The following BLTP1 variants were observed in gnomAD, a reference collection of about 807,000 sequenced individuals.
BLTP1 encodes fragile site-associated protein.
chr4:122,206,158 A>G, the BLTP1 span: 2 of 747,184 alleles, frequency 2.7e-6, no homozygotes, highest in South Asian at 1.2e-4. Flanking sequence ...AAGAAAGTCA[A>G]GTCTATGTTT....
the BLTP1 span, among the ~76,000 whole-genome samples, chr4:122,342,906 T>G: frequency 6.6e-6 from 1 of 152,226 alleles, no homozygotes; most frequent in African/African-American, 2.4e-5. Flanking sequence ...TTTTTGGAAT[T>G]TACCTGTCCA....
At chr4:122,308,653 T>C in the BLTP1 span, among the ~76,000 whole-genome samples, 1 of 152,072 alleles carries the variant, frequency 6.6e-6, no homozygotes, top group Non-Finnish European at 1.5e-5. Context: ...ATTTTCTCTT[T>C]GCAACTTAAG....
the BLTP1 span, chr4:122,281,219 C>T: frequency 1.8e-5 from 12 of 668,658 alleles, no homozygotes; most frequent in Non-Finnish European, 2.0e-5. Flanking sequence ...TCAGTAGTAG[C>T]GTGTAATAGT....
chr4:122,242,200 A>G, the BLTP1 span, among the ~76,000 whole-genome samples: 7 of 152,354 alleles, frequency 4.6e-5, no homozygotes, highest in South Asian at 1.4e-3. Context: ...AGTATTCACA[A>G]TAGCTAATAT....
At chr4:122,186,296 T>TCTGTTTAGGTGC in the BLTP1 span, 1 of 1,228,102 alleles carries the variant, frequency 8.1e-7, no homozygotes, top group Non-Finnish European at 1.1e-6. Context: ...TCATTGAGGC[T>TCTGTTTAGGTGC]ATGCACCTAA....
At chr4:122,247,720 CAG>C in the BLTP1 span, 1 of 1,028,716 alleles carries the variant, frequency 9.7e-7, no homozygotes, top group East Asian at 8.0e-5. Context: ...GTTTGTAAAA[CAG>C]TGTTAGAAAG....
the BLTP1 span, chr4:122,304,511 A>T: frequency 6.3e-6 from 1 of 158,592 alleles, no homozygotes; most frequent in South Asian, 2.0e-4. Flanking sequence ...ACGCCCAGCC[A>T]AAGTATTTTT....
chr4:122,309,586 C>A, the BLTP1 span: 1 of 977,076 alleles, frequency 1.0e-6, no homozygotes, highest in Non-Finnish European at 1.5e-6. Flanking sequence ...GAAAGAAGGG[C>A]TATTTCTAGT....
the BLTP1 span, chr4:122,325,816 G>GTTT: frequency 5.1e-4 from 398 of 785,016 alleles, no homozygotes; most frequent in South Asian, 9.2e-4. Context: ...TTTTTCATGA[G>GTTT]TTTTTTTTTT....
At chr4:122,248,939 AG>A in the BLTP1 span, 1 of 245,556 alleles carries the variant, frequency 4.1e-6, no homozygotes, top group Non-Finnish European at 6.5e-6. Context: ...AATCAGAGAG[AG>A]AAATGAAAAA....
chr4:122,314,112 C>A, the BLTP1 span: 1 of 984,542 alleles, frequency 1.0e-6, no homozygotes, highest in South Asian at 4.7e-5. Context: ...GAGAAAACTT[C>A]ATGGAGGGAC....
At chr4:122,163,802 A>G in the BLTP1 span, among the ~76,000 whole-genome samples, 21 of 152,344 alleles carry the variant, frequency 1.4e-4, no homozygotes, top group Middle Eastern at 6.8e-3. Flanking sequence ...TATAGAGTCT[A>G]TGCTTTTAAT....
At chr4:122,344,829 T>G in the BLTP1 span, 1 of 985,124 alleles carries the variant, frequency 1.0e-6, no homozygotes, top group Non-Finnish European at 1.2e-6. Context: ...CTTCACTTTT[T>G]CTCCACCATG....
chr4:122,220,239 C>A, the BLTP1 span: 31 of 1,334,538 alleles, frequency 2.3e-5, no homozygotes, highest in African/African-American at 3.0e-5. Flanking sequence ...AAAACAAATT[C>A]TCTTAATCAT....
At chr4:122,341,784 A>G in the BLTP1 span, 1 of 985,408 alleles carries the variant, frequency 1.0e-6, no homozygotes, top group Non-Finnish European at 1.2e-6. Context: ...CATACTTACT[A>G]ATGTGGAGCC....
chr4:122,288,872 A>C, the BLTP1 span, among the ~76,000 whole-genome samples: 630 of 152,236 alleles, frequency 4.1e-3, 2 homozygotes, highest in African/African-American at 0.014. Flanking sequence ...TTATTAAAAA[A>C]CAAAAAACAA....
At chr4:122,208,579 T>C in the BLTP1 span, 2 of 970,980 alleles carry the variant, frequency 2.1e-6, no homozygotes, top group Non-Finnish European at 2.4e-6. Flanking sequence ...TAAAAGTTTT[T>C]TTAAAAACTG....
chr4:122,247,781 G>T, the BLTP1 span: 1 of 998,092 alleles, frequency 1.0e-6, no homozygotes, highest in Non-Finnish European at 1.2e-6. Flanking sequence ...AAATACAGCA[G>T]CAATAAGGTG....
the BLTP1 span, chr4:122,206,099 T>C: frequency 1.0e-6 from 1 of 971,920 alleles, no homozygotes; most frequent in Non-Finnish European, 1.2e-6. Context: ...AAAAGCAGTT[T>C]AAACATACAG....
Sources: allele counts gnomAD v4.1 joint callset (sites outside exome capture counted in the v4.1 genomes callset), GRCh38; gene constraint gnomAD v4.1.1; transcripts MANE v1.5; gene names NCBI Gene and HGNC (gene_info 2026-07-23, HGNC 2026-07-21).